PTPRD: variants seen among roughly 807,000 people sequenced by gnomAD.
PTPRD encodes the protein protein tyrosine phosphatase receptor type D, also known as receptor-type tyrosine-protein phosphatase delta.
In PTPRD, 34 loss-of-function variants were observed where a neutral mutation model predicts 214.5. The ratio of observed to expected loss-of-function variants is 0.16; its 90% CI spans 0.12 to 0.21. The LOEUF is 0.21. Among genes scored for constraint, PTPRD ranks in the 10% least tolerant of loss-of-function variants. The pLI, the probability that PTPRD is intolerant of heterozygous loss-of-function variation, is 1.00. For missense variants in PTPRD, 2,545 were observed against 2,398.7 expected (o/e 1.06, Z -1.27); for synonymous variants, 1,128 against 845.7 (o/e 1.33, Z -5.79).
chr9:10,069,576 T>C (rs935542772), intron 3 of PTPRD, among the ~76,000 whole-genome samples: 4 of 152,072 alleles, frequency 2.6e-5, no homozygotes, highest in Admixed American at 6.6e-5. Flanking sequence ...TTATTCAGAA[T>C]TATGGTGCAC....
At chr9:10,040,898 T>C (rs1429311124) in intron 3 of PTPRD, among the ~76,000 whole-genome samples, 2 of 152,070 alleles carry the variant, frequency 1.3e-5, no homozygotes, top group Admixed American at 6.6e-5. Flanking sequence ...AGAGCTATTA[T>C]TGGGCAACTC....
chr9:9,668,070 C>T (rs923822654), intron 7 of PTPRD, among the ~76,000 whole-genome samples: 1 of 152,116 alleles, frequency 6.6e-6, no homozygotes, highest in African/African-American at 2.4e-5. Context: ...GCCCTCATCC[C>T]ACCCAAACTC....
chr9:8,713,911 T>C (rs759024794), intron 12 of PTPRD: 1 of 762,656 alleles, frequency 1.3e-6, no homozygotes, highest in Non-Finnish European at 2.1e-6. Context: ...AAAAAAAATC[T>C]TTATCCACTG....
At chr9:9,416,540 C>T (rs2077048058) in intron 8 of PTPRD, among the ~76,000 whole-genome samples, 1 of 152,254 alleles carries the variant, frequency 6.6e-6, no homozygotes, top group East Asian at 1.9e-4. Flanking sequence ...CTTTGTGTGG[C>T]TTTTAAGGCT....
At position 9,103,077 on chromosome 9, in the gene PTPRD, G is replaced by A. The variant is rs562624832; in HGVS notation, c.-143+80227C>T. 3.9e-5 allele frequency among the ~76,000 whole-genome samples: 6 copies of A among 152,216 alleles called. No homozygotes were observed. In the South Asian group the frequency reaches 1.2e-3, roughly 32 times the overall value. ...GTTTTAAATTAAATTTTCTTTTTCA[G>A]TAGTGATTTTCCTATTTAGAACTTC... On this transcript the variant is annotated intron_variant, in intron 10 of 45. Transcript: ENST00000381196.
chr9:9,022,190 A>G (rs909590512), intron 10 of PTPRD, among the ~76,000 whole-genome samples: 1 of 152,156 alleles, frequency 6.6e-6, no homozygotes, highest in African/African-American at 2.4e-5. Context: ...ACAGTAAGCT[A>G]AGGTTAACTG....
At chr9:9,213,159 T>C (rs2099949907) in intron 9 of PTPRD, among the ~76,000 whole-genome samples, 2 of 152,198 alleles carry the variant, frequency 1.3e-5, no homozygotes. Context: ...TATACCACTA[T>C]ATTCAGTGGT....
At chr9:10,436,909 T>C (rs889363965) in intron 2 of PTPRD, among the ~76,000 whole-genome samples, 10 of 151,796 alleles carry the variant, frequency 6.6e-5, no homozygotes, top group Non-Finnish European at 1.2e-4. Context: ...GAACTAAATA[T>C]GTACTAAATG....
intron 12 of PTPRD, among the ~76,000 whole-genome samples, chr9:8,637,805 A>C (rs900136680): frequency 6.6e-6 from 1 of 152,216 alleles, no homozygotes; most frequent in Non-Finnish European, 1.5e-5. Context: ...TGAAGATGGA[A>C]CATCATACAA....
chr9:9,694,461 C>T (rs1041720441), intron 7 of PTPRD, among the ~76,000 whole-genome samples: 49 of 152,128 alleles, frequency 3.2e-4, no homozygotes, highest in Non-Finnish European at 5.3e-4. Flanking sequence ...TGTGTTGATG[C>T]AAGCTCCTTT....
At chr9:8,961,936 T>A (rs896791839) in intron 11 of PTPRD, among the ~76,000 whole-genome samples, 1 of 152,110 alleles carries the variant, frequency 6.6e-6, no homozygotes, top group African/African-American at 2.4e-5. Context: ...TCTGCAGCAA[T>A]AATTATATAG....
chr9:8,933,340 G>GTTTTGTTTTTTTTTTTTTTTTTTT (rs2098966631), intron 11 of PTPRD, among the ~76,000 whole-genome samples: 8 of 80,438 alleles, frequency 9.9e-5, no homozygotes, highest in African/African-American at 4.0e-4. Context: ...CAACCTTGAG[G>GTTTTGTTTTTTTTTTTTTTTTTTT]TTTTTTTTTT....
At chr9:9,529,221 C>G (rs2074917669) in intron 8 of PTPRD, among the ~76,000 whole-genome samples, 1 of 150,402 alleles carries the variant, frequency 6.6e-6, no homozygotes, top group African/African-American at 2.4e-5. Flanking sequence ...CGTGAGCCAC[C>G]ACGCCCACCG....
chr9:9,519,960 A>G (rs1352037505), intron 8 of PTPRD, among the ~76,000 whole-genome samples: 1 of 152,102 alleles, frequency 6.6e-6, no homozygotes, highest in Admixed American at 6.6e-5. Context: ...GTGCAATGAT[A>G]GACAAATAAA....
At chr9:9,394,694 G>C (rs1162779083) in intron 9 of PTPRD, among the ~76,000 whole-genome samples, 3 of 151,962 alleles carry the variant, frequency 2.0e-5, no homozygotes, top group African/African-American at 7.3e-5. Context: ...CTCTATTGGT[G>C]CATAGAATAG....
At chr9:9,153,485 A>G (rs1289193547) in intron 10 of PTPRD, among the ~76,000 whole-genome samples, 2 of 152,210 alleles carry the variant, frequency 1.3e-5, no homozygotes, top group African/African-American at 4.8e-5. Flanking sequence ...TTACATAAAA[A>G]TTATGAAATT....
intron 10 of PTPRD, among the ~76,000 whole-genome samples, chr9:9,153,132 G>T (rs889417018): frequency 6.6e-6 from 1 of 152,172 alleles, no homozygotes; most frequent in Non-Finnish European, 1.5e-5. Flanking sequence ...TTCACGAAAT[G>T]TGAAGGAGGG....
At chr9:9,936,951 C>T (rs2089698864) in intron 5 of PTPRD, among the ~76,000 whole-genome samples, 1 of 150,326 alleles carries the variant, frequency 6.7e-6, no homozygotes, top group Admixed American at 6.7e-5. Context: ...TGGAAATCAT[C>T]ATTCTCAGTA....
At chr9:8,618,797 A>G (rs952804218) in intron 14 of PTPRD, among the ~76,000 whole-genome samples, 4 of 151,090 alleles carry the variant, frequency 2.6e-5, no homozygotes, top group Non-Finnish European at 5.9e-5. Context: ...CCTGGGTTCA[A>G]GTGATTTTCC....
Sources: allele counts gnomAD v4.1 joint callset (sites outside exome capture counted in the v4.1 genomes callset), GRCh38; gene constraint gnomAD v4.1.1; transcripts MANE v1.5; gene names NCBI Gene and HGNC (gene_info 2026-07-23, HGNC 2026-07-21).